Variants in MTSS2 observed in about 807,000 individuals in gnomAD.
The protein encoded by MTSS2 is protein MTSS 2.
Under a neutral mutation model 67.1 loss-of-function variants are expected in MTSS2, and 27 were observed. The ratio of observed to expected loss-of-function variants is 0.40; its 90% CI spans 0.30 to 0.55. The LOEUF is 0.55. Among genes scored for constraint, MTSS2 ranks in the 20% least tolerant of loss-of-function variants. MTSS2 has a pLI of 0.43. For synonymous variants in MTSS2, 624 were observed against 468.6 expected (o/e 1.33, Z -4.28); for missense variants, 1,171 against 1,067.8 (o/e 1.10, Z -1.35).
At chr16:70,682,909 T>C (rs2053345061) in intron 1 of MTSS2, among the ~76,000 whole-genome samples, 1 of 151,952 alleles carries the variant, frequency 6.6e-6, no homozygotes, top group South Asian at 2.1e-4. Context: ...GGCCACAGGG[T>C]GGCGGGGTCA....
At chr16:70,684,671 C>T (rs1032262382) in intron 1 of MTSS2, among the ~76,000 whole-genome samples, 29 of 152,254 alleles carry the variant, frequency 1.9e-4, no homozygotes, top group Admixed American at 1.7e-3. Context: ...TGGGGTGCCT[C>T]GTTCTTTCCC....
At position 70,676,851 on chromosome 16, in the gene MTSS2, C is replaced by A. The variant is rs189938011; in HGVS notation, c.830+30G>T. ...CACTTCCTCTTGGGATACCGCCCCC[C>A]ACACCCCTGGGAACCCCACCCCCAC... On this transcript the variant is annotated intron_variant, in intron 10 of 14. Transcript: ENST00000338779. 3.4e-5 allele frequency: 54 copies of A among 1,599,742 alleles called. No individual in the cohort carries two copies. In the African/African-American group the frequency reaches 6.4e-4, roughly 19 times the overall value.
Position 70,680,978 on chromosome 16 carries a change from C to A in MTSS2, c.117G>T (p.Leu39=). ...WEDFNSKATK[L]HSQLRTTVLA... ...GGCCACCTCACCTCAGCTGGGAATGCAGCTTCGTGGCCTTGGAGTTGAAGT... is the reference window on the plus strand; with the variant it reads ...GGCCACCTCACCTCAGCTGGGAATGAAGCTTCGTGGCCTTGGAGTTGAAGT... Residue 39 remains leucine (L), a synonymous_variant, in exon 2 of 15, where the codon CTG becomes CTT. Coordinates refer to ENST00000338779, the MANE Select transcript of MTSS2 (RefSeq NM_138383.3). The A allele has an allele frequency of 6.2e-7, 1 of 1,608,324 alleles. No homozygotes were observed. The highest frequency in any genetic ancestry group is 1.1e-5 in the South Asian group (1 of 89,496).
intron 10 of MTSS2, 58 bp downstream of exon 10, chr16:70,676,823 C>A: frequency 6.8e-7 from 1 of 1,464,964 alleles, no homozygotes; most frequent in South Asian, 1.2e-5. Context: ...CTGGGAACAT[C>A]CCCACTTCCT....
Position 70,679,301 on chromosome 16 carries a change from G to A in MTSS2, c.466+14C>T, listed in dbSNP as rs185659164. ...GACGGGAGGAGCAGCTGGAGGGACC[G>A]ACATTTGACTTACCAAGTAGCTCTA... On this transcript the variant is annotated intron_variant, in intron 7 of 14. Coordinates refer to ENST00000338779, the MANE Select transcript of MTSS2 (RefSeq NM_138383.3). 14,775 of 1,613,804 alleles carry A rather than the reference G, an allele frequency of 9.2e-3. 84 individuals carry two copies. The highest frequency in any genetic ancestry group is 0.011 in the Non-Finnish European group (13,265 of 1,179,736).
At chr16:70,665,884 G>T (rs1001086035) in intron 11 of MTSS2, 1 of 213,598 alleles carries the variant, frequency 4.7e-6, no homozygotes, top group Non-Finnish European at 9.4e-6. Context: ...CTGAGCAGTT[G>T]GGTTGATGGT....
chr16:70,662,355 T>C lies in MTSS2; in HGVS notation c.*1322A>G, dbSNP rs1216917217. On this transcript the variant is annotated 3_prime_UTR_variant, in exon 15 of 15. Coordinates refer to ENST00000338779, the MANE Select transcript of MTSS2 (RefSeq NM_138383.3). ...CTCACGTGCTTTTACCTGCTGAGAC[T>C]TGGCGTGACTTGGTGCGTGGGGTGG... 6.6e-6 allele frequency: 1 copy of C among 152,344 alleles called. No homozygotes were observed. The highest frequency in any genetic ancestry group is 1.9e-4 in the East Asian group (1 of 5,186). 9.4% of individuals were successfully genotyped at this position (152,344 alleles called of 1,614,324 possible). A position where few individuals can be genotyped will look rare whatever the true frequency, so the allele number is the denominator to read the frequency against.
intron 1 of MTSS2, among the ~76,000 whole-genome samples, chr16:70,684,476 G>A (rs1239371177): frequency 1.3e-5 from 2 of 152,206 alleles, no homozygotes; most frequent in African/African-American, 2.4e-5. Context: ...CCCTGGGGCT[G>A]TTGTCCTGGC....
Position 70,664,399 on chromosome 16 carries a change from G to T in MTSS2, c.1522C>A (p.Pro508Thr). The change falls in exon 15 of 15, where the codon CCG (proline) becomes ACG (threonine). Residue 508 changes from proline to threonine, a missense_variant. Pro to Thr is a conservative substitution (Grantham distance 38). This residue lies in a region of MTSS2 where 924 missense variants were observed against 756.0 expected (regional missense o/e 1.22). Coordinates refer to ENST00000338779, the MANE Select transcript of MTSS2 (RefSeq NM_138383.3). ...GTGGATGACTTGTCAAACTCGGGCG[G>T]GCCCTCGCTGTCCGCATCCCCATTC... ...SVNGDADSEG[P>T]PEFDKSSTIP... The T allele has an allele frequency of 6.4e-7, 1 of 1,558,506 alleles. No homozygotes were observed. Among genetic ancestry groups the T allele is most frequent in the Non-Finnish European group, 8.6e-7 (1 of 1,157,394 alleles).
chr16:70,671,148 G>T (rs966552097), intron 11 of MTSS2, among the ~76,000 whole-genome samples: 19 of 152,000 alleles, frequency 1.3e-4, no homozygotes, highest in Non-Finnish European at 2.1e-4. Flanking sequence ...AGGTGTGGCA[G>T]GTCATGCCTG....
chr16:70,674,472 G>A lies in MTSS2; in HGVS notation c.887C>T (p.Ala296Val). 1.9e-6 allele frequency: 3 copies of A among 1,614,060 alleles called. No individual in the cohort carries two copies. Among genetic ancestry groups the A allele is most frequent in the Non-Finnish European group, 2.5e-6 (3 of 1,180,024 alleles). Residue 296 changes from alanine to valine, a missense_variant, in exon 11 of 15, where the codon GCC becomes GTC. Around this residue, in one of 2 missense-constraint regions of MTSS2, gnomAD observed 924 missense variants for 756.0 expected, o/e 1.22. Coordinates refer to ENST00000338779, the MANE Select transcript of MTSS2 (RefSeq NM_138383.3). ...KGGGAPWPGG[A>V]QTYSPSSTCR... ...GGTGGAACTGGGTGAGTATGTTTGG[G>A]CACCCCCAGGCCATGGGGCTCCGCC...
In MTSS2 at chr16:70,680,006, G is replaced by A; in HGVS notation, c.255C>T (p.His85=). Residue 85 remains histidine, a synonymous_variant, in exon 4 of 15, where the codon CAC becomes CAT. Coordinates refer to ENST00000338779, the MANE Select transcript of MTSS2 (RefSeq NM_138383.3). Reference sequence around the variant, plus strand: ...GCCGCAGCTTGGTCTCGATGCTGCGGTGGCGCATGCACATGCGTGTGAGCG... The same window carrying A: ...GCCGCAGCTTGGTCTCGATGCTGCGATGGCGCATGCACATGCGTGTGAGCG... The part of the protein sequence containing the change: ...GSALTRMCMR[H]RSIETKLRQF... 1 of 1,542,086 alleles carries A rather than the reference G, an allele frequency of 6.5e-7. No individual in the cohort carries two copies. The highest frequency in any genetic ancestry group is 2.5e-5 in the East Asian group (1 of 40,516).
chr16:70,685,402 C>T (rs947497230), intron 1 of MTSS2, among the ~76,000 whole-genome samples: 3 of 152,178 alleles, frequency 2.0e-5, no homozygotes, highest in African/African-American at 7.2e-5. Context: ...GTTAAAGGGC[C>T]CTAGAGTCGG....
At chr16:70,669,528 T>G (rs1357197477) in intron 11 of MTSS2, among the ~76,000 whole-genome samples, 1 of 150,122 alleles carries the variant, frequency 6.7e-6, no homozygotes, top group Non-Finnish European at 1.5e-5. Flanking sequence ...TATAAAAAAG[T>G]ATGAAAGCTG....
Position 70,663,533 on chromosome 16 carries a change from T to G in MTSS2, c.*144A>C. On this transcript the variant is annotated 3_prime_UTR_variant, in exon 15 of 15. Transcript: ENST00000338779. ...TCCTGTTTAAATGCTGGAATCCAAG[T>G]GAGGTGTCTTTCCATAAAGTGGCAT... 111 of 1,359,496 alleles carry G rather than the reference T, an allele frequency of 8.2e-5. No homozygotes were observed. Among genetic ancestry groups the G allele is most frequent in the Non-Finnish European group, 9.8e-5 (101 of 1,035,466 alleles). The allele number at this position is 1,359,496 out of a possible 1,614,324, so 84.2% of individuals were successfully genotyped here.
Position 70,664,442 on chromosome 16 carries a change from G to A in MTSS2, c.1479C>T (p.Asp493=), listed in dbSNP as rs1222530756. Residue 493 remains aspartate (D), a synonymous_variant, in exon 15 of 15, where the codon GAC becomes GAT. Coordinates refer to ENST00000338779, the MANE Select transcript of MTSS2 (RefSeq NM_138383.3). ...SEDTIPSQGS[D]YDCYSVNGDA... ...CCCCATTCACGGAGTAGCAGTCGTA[G>A]TCGGAGCCTGGGGGCACGGGACACA... 1 of 1,537,554 alleles carries A rather than the reference G, an allele frequency of 6.5e-7. No homozygotes were observed. The highest frequency in any genetic ancestry group is 2.3e-5 in the East Asian group (1 of 44,142).
At chr16:70,684,079 G>A (rs1280447497) in intron 1 of MTSS2, among the ~76,000 whole-genome samples, 3 of 152,248 alleles carry the variant, frequency 2.0e-5, no homozygotes, top group African/African-American at 4.8e-5. Context: ...AAATTGGCTG[G>A]AGAGGGAGAG....
At position 70,661,932 on chromosome 16, in the gene MTSS2, T is replaced by C. The variant is rs1047443678; in HGVS notation, c.*1745A>G. ...GAAATTCTACCCAAGACTCCCCAAA[T>C]AATTGGTCACCTGCTCTCCTGGCCC... On this transcript the variant is annotated 3_prime_UTR_variant, in exon 15 of 15. Transcript: ENST00000338779. 2 of 153,376 alleles carry C rather than the reference T, an allele frequency of 1.3e-5. No homozygotes were observed. The highest frequency in any genetic ancestry group is 4.8e-5 in the African/African-American group (2 of 41,412). The allele number at this position is 153,376 out of a possible 1,614,324, so 9.5% of individuals were successfully genotyped here. A position where few individuals can be genotyped will look rare whatever the true frequency, so the allele number is the denominator to read the frequency against.
chr16:70,680,317 T>C (rs563493536), intron 3 of MTSS2, among the ~76,000 whole-genome samples: 1 of 152,050 alleles, frequency 6.6e-6, no homozygotes, highest in East Asian at 2.0e-4. Flanking sequence ...CAAAGACCGT[T>C]CCAGGAGCCG....
Sources: allele counts gnomAD v4.1 joint callset (sites outside exome capture counted in the v4.1 genomes callset), GRCh38; gene constraint gnomAD v4.1.1; regional missense constraint gnomAD v4.1.1; transcripts MANE v1.5; gene names NCBI Gene and HGNC (gene_info 2026-07-23, HGNC 2026-07-21).